TRHDE: variants seen among roughly 807,000 people sequenced by gnomAD.
TRHDE encodes thyrotropin-releasing hormone-degrading ectoenzyme.
TRHDE carries 72 observed loss-of-function variants against 125.7 expected under a neutral mutation model. The observed-to-expected ratio is 0.57, with a 90% confidence interval of 0.47 to 0.70. TRHDE has a LOEUF of 0.70. Among genes scored for constraint, TRHDE ranks in the 30% least tolerant of loss-of-function variants. The pLI is 0.00. For missense variants in TRHDE, 1,110 were observed against 1,327.1 expected, an observed-to-expected ratio of 0.84 and a Z score of 2.54; for synonymous variants, 509 against 509.1, an observed-to-expected ratio of 1.00 and a Z score of 0.00.
intron 12 of TRHDE, among the ~76,000 whole-genome samples, chr12:72,610,148 A>G (rs1259228275): frequency 6.6e-6 from 1 of 152,188 alleles, no homozygotes; most frequent in East Asian, 1.9e-4. Flanking sequence ...CATTATTGAA[A>G]TTATTTATCC....
intron 2 of TRHDE, among the ~76,000 whole-genome samples, chr12:72,115,107 A>G (rs772493198): frequency 1.3e-4 from 19 of 151,988 alleles, no homozygotes; most frequent in Non-Finnish European, 2.5e-4. Context: ...TATACTCTTT[A>G]AGTTATTTTA....
At chr12:72,531,735 T>C (rs1868566598) in intron 6 of TRHDE, among the ~76,000 whole-genome samples, 1 of 152,116 alleles carries the variant, frequency 6.6e-6, no homozygotes. Context: ...CCTGCTCTTA[T>C]TCTGCTGGTA....
intron 2 of TRHDE, among the ~76,000 whole-genome samples, chr12:72,107,170 A>G (rs1244846372): frequency 6.6e-6 from 1 of 152,132 alleles, no homozygotes; most frequent in African/African-American, 2.4e-5. Context: ...CTTTTTAGCC[A>G]GAAGAAAATT....
At chr12:72,425,785 T>C (rs1398735475) in intron 3 of TRHDE, among the ~76,000 whole-genome samples, 2 of 152,104 alleles carry the variant, frequency 1.3e-5, no homozygotes, top group Admixed American at 1.3e-4. Context: ...TTAATTAATT[T>C]ACTATTTGGT....
intron 2 of TRHDE, among the ~76,000 whole-genome samples, chr12:72,196,700 A>C (rs1217271908): frequency 6.6e-6 from 1 of 152,016 alleles, no homozygotes; most frequent in African/African-American, 2.4e-5. Flanking sequence ...TAAACTCATT[A>C]TTATTTCATC....
intron 2 of TRHDE, among the ~76,000 whole-genome samples, chr12:72,214,297 T>A (rs1877842322): frequency 6.6e-6 from 1 of 152,174 alleles, no homozygotes; most frequent in African/African-American, 2.4e-5. Flanking sequence ...TATTCCAGGA[T>A]AATTTGACTA....
upstream of TRHDE, chr12:72,272,253 C>A (rs1346632942): frequency 2.7e-6 from 1 of 373,250 alleles, no homozygotes; most frequent in African/African-American, 2.1e-5. This position sits in a 1 kb window ranked among gnomAD's most constrained non-coding sequence, Gnocchi z 6.7. Context: ...AGCCGAGAAC[C>A]GGTTGGAAGG....
At chr12:72,638,928 G>T (rs535566311) in intron 15 of TRHDE, among the ~76,000 whole-genome samples, 1 of 151,846 alleles carries the variant, frequency 6.6e-6, no homozygotes, top group South Asian at 2.1e-4. Context: ...CTCTCTGGCT[G>T]CCCTTAACAT....
intron 2 of TRHDE, among the ~76,000 whole-genome samples, chr12:72,326,648 G>A (rs1040874372): frequency 1.3e-5 from 2 of 151,990 alleles, no homozygotes; most frequent in African/African-American, 4.8e-5. Flanking sequence ...AAAATATTGT[G>A]GACCAATCCA....
At chr12:72,367,647 C>T (rs956543010) in intron 2 of TRHDE, among the ~76,000 whole-genome samples, 12 of 152,008 alleles carry the variant, frequency 7.9e-5, no homozygotes, top group African/African-American at 2.9e-4. Flanking sequence ...CTGCTTTTTC[C>T]CTGGCTTGTT....
chr12:72,166,907 CGTGTGTGTGTGTGTGTGTGTGTGT>C (rs59590935), intron 2 of TRHDE, among the ~76,000 whole-genome samples: 2 of 139,232 alleles, frequency 1.4e-5, no homozygotes, highest in African/African-American at 2.7e-5. Flanking sequence ...GGTAGATGAA[CGTGTGTGTGTGTGTGTGTGTGTGT>C]GTGTGTGTGT....
chr12:72,452,129 C>T (rs1014036725), intron 3 of TRHDE, among the ~76,000 whole-genome samples: 1 of 151,956 alleles, frequency 6.6e-6, no homozygotes, highest in African/African-American at 2.4e-5. Flanking sequence ...TTTCTTTTGT[C>T]AGGGTTTTAT....
At chr12:72,554,075 T>C (rs1869807288) in intron 7 of TRHDE, among the ~76,000 whole-genome samples, 1 of 152,058 alleles carries the variant, frequency 6.6e-6, no homozygotes, top group Non-Finnish European at 1.5e-5. Context: ...CTCGAACTCC[T>C]GACCTCAGGT....
At chr12:72,374,289 A>G (rs1871766171) in intron 2 of TRHDE, among the ~76,000 whole-genome samples, 1 of 123,684 alleles carries the variant, frequency 8.1e-6, no homozygotes, top group Non-Finnish European at 1.7e-5. Context: ...TTTTAGAAGG[A>G]GAAGTGTGTG....
chr12:72,524,417 A>G (rs1868298896), intron 6 of TRHDE, among the ~76,000 whole-genome samples: 1 of 152,202 alleles, frequency 6.6e-6, no homozygotes, highest in South Asian at 2.1e-4. Flanking sequence ...GCCCTAGACA[A>G]GATTTTTTTT....
At position 72,476,999 on chromosome 12, in the gene TRHDE, G is replaced by A. The variant is rs1215567101; in HGVS notation, c.1584+3819G>A. 2.6e-5 allele frequency among the ~76,000 whole-genome samples: 4 copies of A among 152,082 alleles called. No individual in the cohort carries two copies. In the South Asian group the frequency reaches 6.2e-4, roughly 24 times the overall value. ...ATTTTATAGATATGGGGTTTTACAG[G>A]AAGTATGATACAAGTCAGGGGGATA... On this transcript the variant is annotated intron_variant, in intron 5 of 18. Transcript: ENST00000261180.
chr12:72,609,002 A>G (rs1176660265), intron 12 of TRHDE, among the ~76,000 whole-genome samples: 3 of 152,154 alleles, frequency 2.0e-5, no homozygotes, highest in Non-Finnish European at 4.4e-5. Context: ...AAGATTGTTT[A>G]AAGGATTTAG....
intron 1 of TRHDE, among the ~76,000 whole-genome samples, chr12:72,100,828 A>G (rs1875050078): frequency 6.6e-6 from 1 of 152,176 alleles, no homozygotes; most frequent in African/African-American, 2.4e-5. Context: ...CCTCACATAT[A>G]TGACAGGGTT....
chr12:72,321,893 C>A (rs575654474), intron 2 of TRHDE, among the ~76,000 whole-genome samples: 69 of 151,660 alleles, frequency 4.5e-4, no homozygotes, highest in African/African-American at 1.3e-3. Flanking sequence ...ACACACACAC[C>A]CCCTAAGAGT....
Sources: gnomAD v4.1 joint callset for allele counts (sites outside exome capture counted in the v4.1 genomes callset) on GRCh38, gnomAD v4.1.1 for gene constraint, Gnocchi (gnomAD v3.1) non-coding constraint, MANE v1.5 for transcripts, NCBI Gene and HGNC (gene_info 2026-07-23, HGNC 2026-07-21) for gene names.